The following XKR4 variants were observed in gnomAD, a reference collection of about 807,000 sequenced individuals.
XKR4 encodes XK-related protein 4.
A neutral mutation model predicts 53.9 loss-of-function variants in XKR4; 12 were observed. The observed-to-expected ratio is 0.22, with a 90% CI of 0.14 to 0.36. The LOEUF (loss-of-function observed/expected upper bound fraction) is 0.36. Among genes scored for constraint, XKR4 ranks in the 10% least tolerant of loss-of-function variants. The pLI is 1.00. For missense variants in XKR4, 799 were observed against 859.5 expected, an observed-to-expected ratio of 0.93 and a Z score of 0.88; for synonymous variants, 354 against 362.4, an observed-to-expected ratio of 0.98 and a Z score of 0.26.
At chr8:55,326,497 G>A (rs1183038381) in intron 1 of XKR4, among the ~76,000 whole-genome samples, 3 of 119,576 alleles carry the variant, frequency 2.5e-5, no homozygotes, top group African/African-American at 3.4e-5. Flanking sequence ...TGGAAACAGA[G>A]TTTTGCTCTG....
rs981834334 is a variant in XKR4 at position 55,530,869 on chromosome 8, T to C, written c.*6642T>C. On this transcript the variant is annotated 3_prime_UTR_variant, in exon 3 of 3. Transcript: ENST00000327381. Reference sequence around the variant, plus strand: ...GGATTACACAATACACTTTTTTTTTTCCCTGAGTCATTTATTCAACAAGTT... The same window carrying C: ...GGATTACACAATACACTTTTTTTTTCCCCTGAGTCATTTATTCAACAAGTT... 5.9e-5 allele frequency: 9 copies of C among 152,134 alleles called. No individual in the cohort carries two copies. Among genetic ancestry groups the C allele is most frequent in the South Asian group, 2.1e-4 (1 of 4,818 alleles). 9.4% of individuals were successfully genotyped at this position (152,134 alleles called of 1,614,324 possible).
intron 1 of XKR4, among the ~76,000 whole-genome samples, chr8:55,170,331 T>C (rs1318289109): frequency 6.6e-6 from 1 of 152,116 alleles, no homozygotes; most frequent in Non-Finnish European, 1.5e-5. Flanking sequence ...CTGGATTATG[T>C]AGGGGTGTGT....
intron 1 of XKR4, among the ~76,000 whole-genome samples, chr8:55,264,749 C>T (rs1281656899): frequency 6.6e-6 from 1 of 152,174 alleles, no homozygotes; most frequent in Non-Finnish European, 1.5e-5. Flanking sequence ...TTGAGAATTG[C>T]AATGCATCAA....
chr8:55,379,718 G>T (rs1272645762), intron 2 of XKR4, among the ~76,000 whole-genome samples: 2 of 152,220 alleles, frequency 1.3e-5, no homozygotes, highest in East Asian at 3.9e-4. Flanking sequence ...AGCGGAATCA[G>T]GATGCACTTT....
At chr8:55,200,146 C>T (rs1817560841) in intron 1 of XKR4, among the ~76,000 whole-genome samples, 2 of 152,208 alleles carry the variant, frequency 1.3e-5, no homozygotes, top group South Asian at 4.1e-4. Context: ...CTCACAGCTG[C>T]AACCTCTGCC....
At chr8:55,427,327 T>C (rs1805031356) in intron 2 of XKR4, among the ~76,000 whole-genome samples, 1 of 152,066 alleles carries the variant, frequency 6.6e-6, no homozygotes, top group Non-Finnish European at 1.5e-5. Context: ...GCTGGGTGAG[T>C]ATGTCAAAGT....
intron 2 of XKR4, among the ~76,000 whole-genome samples, chr8:55,489,269 C>T (rs1055530130): frequency 1.3e-5 from 2 of 152,126 alleles, no homozygotes; most frequent in African/African-American, 4.8e-5. Flanking sequence ...TGGAAACTCC[C>T]TGTACTTTCT....
chr8:55,237,074 C>T (rs1415422344), intron 1 of XKR4, among the ~76,000 whole-genome samples: 1 of 152,184 alleles, frequency 6.6e-6, no homozygotes, highest in African/African-American at 2.4e-5. Context: ...AGTCGACTTC[C>T]ACTCTCTAAG....
intron 1 of XKR4, among the ~76,000 whole-genome samples, chr8:55,232,000 T>G (rs965076754): frequency 6.6e-6 from 1 of 152,222 alleles, no homozygotes. Flanking sequence ...CATAAACACT[T>G]CTTTGATATT....
intron 1 of XKR4, among the ~76,000 whole-genome samples, chr8:55,162,746 T>C (rs1332324139): frequency 6.6e-6 from 1 of 152,134 alleles, no homozygotes; most frequent in Non-Finnish European, 1.5e-5. Flanking sequence ...CTGTGTGAAA[T>C]TGAACTACCC....
intron 2 of XKR4, among the ~76,000 whole-genome samples, chr8:55,402,424 T>TA (rs1804614555): frequency 6.6e-6 from 1 of 152,196 alleles, no homozygotes; most frequent in Non-Finnish European, 1.5e-5. Context: ...AAGGACAAGA[T>TA]ACCTTCTCAC....
chr8:55,473,235 C>A (rs536729119), intron 2 of XKR4, among the ~76,000 whole-genome samples: 1 of 152,054 alleles, frequency 6.6e-6, no homozygotes, highest in Non-Finnish European at 1.5e-5. Flanking sequence ...ATTGACCTGG[C>A]CTAAATTAAT....
Position 55,316,308 on chromosome 8 carries a change from G to T in XKR4, c.807-41370G>T, listed in dbSNP as rs558167559. Among the ~76,000 whole-genome samples, 39 of 152,194 alleles carry T rather than the reference G, an allele frequency of 2.6e-4. No individual in the cohort carries two copies. The South Asian group carries it at 6.7e-3, about 26-fold the overall frequency. The stretch of plus-strand genomic sequence containing the variant: ...CCGATTCTCAGGCTGTGAAAAATAG[G>T]ACAGTCACATCCGATCTCCAGCCTC... On this transcript the variant is annotated intron_variant, in intron 1 of 2. Transcript: ENST00000327381.
At chr8:55,222,428 C>T (rs1817892720) in intron 1 of XKR4, among the ~76,000 whole-genome samples, 1 of 152,230 alleles carries the variant, frequency 6.6e-6, no homozygotes, top group African/African-American at 2.4e-5. Flanking sequence ...AGACCATATT[C>T]CAATAAAGCC....
chr8:55,313,017 C>T (rs897898087), intron 1 of XKR4, among the ~76,000 whole-genome samples: 1 of 152,158 alleles, frequency 6.6e-6, no homozygotes, highest in African/African-American at 2.4e-5. Context: ...TGTTTGGTTA[C>T]ATTATTCTGC....
At chr8:55,238,578 C>T (rs1311007997) in intron 1 of XKR4, among the ~76,000 whole-genome samples, 1 of 152,154 alleles carries the variant, frequency 6.6e-6, no homozygotes, top group Non-Finnish European at 1.5e-5. Context: ...TCTGGAGTTA[C>T]ACATACCATT....
intron 2 of XKR4, among the ~76,000 whole-genome samples, chr8:55,417,112 C>G (rs555453146): frequency 4.5e-4 from 69 of 152,240 alleles, no homozygotes; most frequent in African/African-American, 1.3e-3. Context: ...TAATGAGCAG[C>G]GAAGGCTGAG....
rs1305774907 is a variant in XKR4, at chr8:55,525,218, C to T, written c.*991C>T. ...CTGTGTGACCATAGGCAGATGCTGA[C>T]TCTGGAAGACTCCGTGCCACTCCTT... On this transcript the variant is annotated 3_prime_UTR_variant, in exon 3 of 3. Coordinates refer to ENST00000327381, the MANE Select transcript of XKR4 (RefSeq NM_052898.2). 1 of 152,608 alleles carries T rather than the reference C, an allele frequency of 6.6e-6. No homozygotes were observed. The highest frequency in any genetic ancestry group is 2.4e-5 in the African/African-American group (1 of 41,448). 9.5% of individuals were successfully genotyped at this position (152,608 alleles called of 1,614,324 possible). A position where few individuals can be genotyped will look rare whatever the true frequency, so the allele number is the denominator to read the frequency against.
At chr8:55,354,271 G>T (rs564373145) in intron 1 of XKR4, among the ~76,000 whole-genome samples, 1 of 152,290 alleles carries the variant, frequency 6.6e-6, no homozygotes, top group Non-Finnish European at 1.5e-5. Flanking sequence ...ATCCAATGCA[G>T]GGGTGAGTCC....
Sources: gnomAD v4.1 joint callset for allele counts (sites outside exome capture counted in the v4.1 genomes callset) on GRCh38, gnomAD v4.1.1 for gene constraint, MANE v1.5 for transcripts, NCBI Gene and HGNC (gene_info 2026-07-23, HGNC 2026-07-21) for gene names.